Variants in CADM2 observed in about 807,000 individuals in gnomAD.
CADM2 encodes the protein immunoglobulin superfamily member 4D.
Under a neutral mutation model 49.8 loss-of-function variants are expected in CADM2, and 12 were observed. The observed-to-expected ratio is 0.24, with a 90% confidence interval of 0.15 to 0.39. The LOEUF (loss-of-function observed/expected upper bound fraction) is 0.39, where lower values mean the gene tolerates loss of function less well. CADM2 is among the 10% of genes least tolerant of loss of function. The probability of loss-of-function intolerance (pLI) is 1.00; values close to 1 mark genes in which losing one functional copy is unlikely to be tolerated. For missense variants in CADM2, 378 were observed against 492.3 expected, an observed-to-expected ratio of 0.77 and a Z score of 2.20; for synonymous variants, 214 against 175.4, an observed-to-expected ratio of 1.22 and a Z score of -1.74.
chr3:85,037,194 A>G (rs2035256464), intron 1 of CADM2, among the ~76,000 whole-genome samples: 1 of 152,002 alleles, frequency 6.6e-6, no homozygotes, highest in South Asian at 2.1e-4. Context: ...AAACAAAAAG[A>G]TATGATTCTG....
At chr3:85,766,646 T>C (rs1443762047) in intron 2 of CADM2, among the ~76,000 whole-genome samples, 3 of 152,212 alleles carry the variant, frequency 2.0e-5, no homozygotes, top group African/African-American at 7.2e-5. Flanking sequence ...AAATAAATAA[T>C]TCTTTACGTC....
At chr3:85,236,211 A>C (rs2042403999) in intron 1 of CADM2, among the ~76,000 whole-genome samples, 1 of 152,078 alleles carries the variant, frequency 6.6e-6, no homozygotes, top group Non-Finnish European at 1.5e-5. Context: ...AAGGATAGAA[A>C]ACTTCCTTCC....
intron 1 of CADM2, among the ~76,000 whole-genome samples, chr3:85,521,592 A>T (rs1254415353): frequency 6.6e-6 from 1 of 152,184 alleles, no homozygotes; most frequent in Non-Finnish European, 1.5e-5. Flanking sequence ...GTAATTAAAG[A>T]TTAACAAAAG....
intron 8 of CADM2, among the ~76,000 whole-genome samples, chr3:85,989,831 G>C (rs1728540299): frequency 6.6e-6 from 1 of 151,560 alleles, no homozygotes; most frequent in South Asian, 2.1e-4. Context: ...GCCCAACATG[G>C]TGAAACCCCG....
At chr3:85,034,790 CTTTTT>C (rs1179967499) in intron 1 of CADM2, among the ~76,000 whole-genome samples, 19 of 84,058 alleles carry the variant, frequency 2.3e-4, no homozygotes, top group African/African-American at 6.5e-4. Context: ...AGACATTTTG[CTTTTT>C]TTTTTTTTTT....
intron 1 of CADM2, among the ~76,000 whole-genome samples, chr3:85,413,085 G>A (rs1475031183): frequency 7.6e-6 from 1 of 130,890 alleles, no homozygotes; most frequent in East Asian, 2.5e-4. Context: ...AGCTTGCAGT[G>A]AGCCGAGATC....
At chr3:85,705,601 A>T (rs568311901) in intron 1 of CADM2, among the ~76,000 whole-genome samples, 1 of 152,194 alleles carries the variant, frequency 6.6e-6, no homozygotes, top group Non-Finnish European at 1.5e-5. Flanking sequence ...TCTGTAATAT[A>T]CATACAGGAT....
rs369093352 is a variant in CADM2 at position 85,314,790 on chromosome 3, A to G, written c.61+355122A>G. ...ATTAAGGAGGGAGATTGTATAGTCA[A>G]ATACTCATGGGATCCAAGAAAAACA... On this transcript the variant is annotated intron_variant, in intron 1 of 9. Transcript: ENST00000383699. Among the ~76,000 whole-genome samples the G allele has an allele frequency of 9.2e-5, 14 of 152,328 alleles. No homozygotes were observed. The East Asian group carries it at 2.7e-3, about 29-fold the overall frequency.
chr3:85,636,802 A>G (rs1263999308), intron 1 of CADM2, among the ~76,000 whole-genome samples: 1 of 152,228 alleles, frequency 6.6e-6, no homozygotes, highest in Non-Finnish European at 1.5e-5. Flanking sequence ...ACAGTCTTCA[A>G]TACAATAACA....
intron 8 of CADM2, among the ~76,000 whole-genome samples, chr3:85,976,626 T>C (rs1380811365): frequency 1.3e-5 from 2 of 151,548 alleles, no homozygotes; most frequent in Non-Finnish European, 3.0e-5. Flanking sequence ...AAAATGAAGC[T>C]AGTAGTAGTT....
At chr3:85,956,908 C>A (rs1724132238) in intron 7 of CADM2, among the ~76,000 whole-genome samples, 1 of 151,462 alleles carries the variant, frequency 6.6e-6, no homozygotes, top group Non-Finnish European at 1.5e-5. Context: ...ATACAATTTT[C>A]TCTGTATGTT....
chr3:86,013,835 G>A lies in CADM2; in HGVS notation c.971-51770G>A, dbSNP rs73843573. ...ATTGTCGTGGTCAGGCTTACATTGT[G>A]TCTAGTGGATTTTCTTCCAAAATGA... On this transcript the variant is annotated intron_variant, in intron 8 of 9. Coordinates refer to ENST00000383699, the MANE Select transcript of CADM2 (RefSeq NM_001167675.2). 6.1e-3 allele frequency: 9,761 copies of A among 1,590,798 alleles called. 240 individuals are homozygous for A. In the African/African-American group the frequency reaches 0.062, roughly 10 times the overall value.
At chr3:85,195,542 GAC>G (rs71108270) in intron 1 of CADM2, among the ~76,000 whole-genome samples, 52,347 of 146,566 alleles carry the variant, frequency 0.36, 9,024 homozygotes, top group African/African-American at 0.43. Flanking sequence ...AAACCAGCAA[GAC>G]ACACACACAC....
At chr3:85,266,348 A>C (rs1234242245) in intron 1 of CADM2, among the ~76,000 whole-genome samples, 2 of 151,892 alleles carry the variant, frequency 1.3e-5, no homozygotes, top group African/African-American at 4.8e-5. Flanking sequence ...TTTTATGACT[A>C]TTCAGTTCAA....
At chr3:85,629,691 C>A (rs2064246946) in intron 1 of CADM2, among the ~76,000 whole-genome samples, 1 of 151,888 alleles carries the variant, frequency 6.6e-6, no homozygotes, top group African/African-American at 2.4e-5. Context: ...AATAAAGCAA[C>A]TTTCTCAAGG....
intron 8 of CADM2, among the ~76,000 whole-genome samples, chr3:85,978,957 G>A (rs1727130006): frequency 6.6e-6 from 1 of 151,230 alleles, no homozygotes; most frequent in Admixed American, 6.6e-5. Context: ...CTCAAACATT[G>A]CTCCAAGTCT....
chr3:85,935,790 C>T lies in CADM2; in HGVS notation c.724C>T (p.Pro242Ser). ...AGATACACCATCAGTTAAGATTATACCATCGACTCCTTTTCCACAAGAAGG... is the reference window on the plus strand; with the variant it reads ...AGATACACCATCAGTTAAGATTATATCATCGACTCCTTTTCCACAAGAAGG... ...IHYTPSVKII[P>S]STPFPQEGQP... The change falls in exon 7 of 10, where the codon CCA (proline) becomes TCA (serine). Residue 242 changes from proline to serine, a missense_variant. Pro to Ser is a moderately conservative substitution (Grantham distance 74). Transcript: ENST00000383699. 2.5e-6 allele frequency: 4 copies of T among 1,604,264 alleles called. No individual in the cohort carries two copies. The highest frequency in any genetic ancestry group is 3.4e-6 in the Non-Finnish European group (4 of 1,172,798).
chr3:85,336,000 A>G (rs1454306063), intron 1 of CADM2, among the ~76,000 whole-genome samples: 2 of 151,448 alleles, frequency 1.3e-5, no homozygotes, highest in South Asian at 2.1e-4. Flanking sequence ...CATCCTCTAA[A>G]CTGAAAGAAA....
At chr3:85,665,739 A>G (rs187092847) in intron 1 of CADM2, among the ~76,000 whole-genome samples, 1 of 152,074 alleles carries the variant, frequency 6.6e-6, no homozygotes, top group Non-Finnish European at 1.5e-5. Context: ...TTTTGCTTAT[A>G]TTGTACCTGT....
Sources: allele counts gnomAD v4.1 joint callset (sites outside exome capture counted in the v4.1 genomes callset), GRCh38; gene constraint gnomAD v4.1.1; transcripts MANE v1.5; gene names NCBI Gene and HGNC (gene_info 2026-07-23, HGNC 2026-07-21).